Variants in SIK2 observed in about 807,000 individuals in gnomAD.
SIK2 encodes salt inducible kinase 2.
A neutral mutation model predicts 103.2 loss-of-function variants in SIK2; 29 were observed. The ratio of observed to expected loss-of-function variants is 0.28; its 90% CI spans 0.21 to 0.38. SIK2 has a LOEUF of 0.38. Among genes scored for constraint, SIK2 ranks in the 10% least tolerant of loss-of-function variants. SIK2 has a pLI of 1.00. For synonymous variants in SIK2, 412 were observed against 446.1 expected (o/e 0.92, Z 0.96); for missense variants, 879 against 1,171.0 (o/e 0.75, Z 3.64).
At chr11:111,673,787 C>T (rs552813112) in intron 3 of SIK2, among the ~76,000 whole-genome samples, 105 of 152,176 alleles carry the variant, frequency 6.9e-4, no homozygotes, top group African/African-American at 2.4e-3. Context: ...AAAGCATCCT[C>T]AGAGAGGCTG....
At chr11:111,665,479 A>G (rs1321159117) in intron 3 of SIK2, among the ~76,000 whole-genome samples, 1 of 152,098 alleles carries the variant, frequency 6.6e-6, no homozygotes, top group African/African-American at 2.4e-5. Flanking sequence ...ACTGCACTCC[A>G]GCCAGGGTGA....
chr11:111,639,052 C>T (rs1942147465), intron 3 of SIK2, among the ~76,000 whole-genome samples: 1 of 152,170 alleles, frequency 6.6e-6, no homozygotes, highest in Non-Finnish European at 1.5e-5. Flanking sequence ...TAGCCCTATG[C>T]TAGTTGTGGT....
chr11:111,630,299 A>G (rs529578045), intron 3 of SIK2, among the ~76,000 whole-genome samples: 5 of 152,298 alleles, frequency 3.3e-5, no homozygotes, highest in Admixed American at 2.6e-4. Context: ...TGAAAGCTGG[A>G]AAGTTGCCTC....
At chr11:111,694,063 C>T (rs539025245) in intron 4 of SIK2, among the ~76,000 whole-genome samples, 35 of 152,230 alleles carry the variant, frequency 2.3e-4, no homozygotes, top group Non-Finnish European at 2.8e-4. Context: ...GAACAGTGCC[C>T]GGCACACAGT....
At chr11:111,710,669 A>G (rs570932040) in intron 8 of SIK2, among the ~76,000 whole-genome samples, 2 of 152,298 alleles carry the variant, frequency 1.3e-5, no homozygotes, top group African/African-American at 4.8e-5. Context: ...AGTTAAGGAC[A>G]TTGCATGTTA....
rs1941595340 is a variant in SIK2, at chr11:111,602,487, C to T, written c.-77C>T. Reference sequence around the variant, plus strand: ...GCGAAGGAGCAAGCGGAGCGGCCGTCGCCCAAGCCAAGCCGCGCTGCCAAC... The same window carrying T: ...GCGAAGGAGCAAGCGGAGCGGCCGTTGCCCAAGCCAAGCCGCGCTGCCAAC... On this transcript the variant is annotated 5_prime_UTR_variant, in exon 1 of 15. Coordinates refer to ENST00000304987, the MANE Select transcript of SIK2 (RefSeq NM_015191.3). This position sits in a 1 kb window ranked among gnomAD's most constrained non-coding sequence, Gnocchi z 4.5. The T allele has an allele frequency of 1.5e-6, 2 of 1,372,616 alleles. No individual in the cohort carries two copies. The highest frequency in any genetic ancestry group is 1.9e-6 in the Non-Finnish European group (2 of 1,061,024). 85.0% of individuals were successfully genotyped at this position (1,372,616 alleles called of 1,614,324 possible). A position where few individuals can be genotyped will look rare whatever the true frequency, so the allele number is the denominator to read the frequency against.
At chr11:111,637,503 A>G (rs1194837600) in intron 3 of SIK2, among the ~76,000 whole-genome samples, 2 of 135,000 alleles carry the variant, frequency 1.5e-5, no homozygotes, top group African/African-American at 5.8e-5. Context: ...TCGGTCACCC[A>G]GGCTGGAGTG....
At chr11:111,634,553 G>A (rs1277332926) in intron 3 of SIK2, among the ~76,000 whole-genome samples, 1 of 151,744 alleles carries the variant, frequency 6.6e-6, no homozygotes, top group African/African-American at 2.4e-5. Flanking sequence ...AATTCAGATT[G>A]CCATCATTTC....
intron 6 of SIK2, among the ~76,000 whole-genome samples, chr11:111,702,410 C>T (rs552543607): frequency 1.6e-4 from 25 of 152,248 alleles, no homozygotes; most frequent in African/African-American, 6.0e-4. Flanking sequence ...TATTGCAAGA[C>T]CCTGTCTCTA....
At chr11:111,633,758 C>T (rs986551613) in intron 3 of SIK2, among the ~76,000 whole-genome samples, 5 of 152,114 alleles carry the variant, frequency 3.3e-5, no homozygotes, top group African/African-American at 9.7e-5. Context: ...ACCTGGGTAA[C>T]TTGTTCTCCA....
rs937873285 is a variant in SIK2, at chr11:111,667,146, G to C, written c.317-20855G>C. Among the ~76,000 whole-genome samples, 3 of 151,712 alleles carry C rather than the reference G, an allele frequency of 2.0e-5. No homozygotes were observed. In the South Asian group the frequency reaches 6.2e-4, roughly 32 times the overall value. On this transcript the variant is annotated intron_variant, in intron 3 of 14. Coordinates refer to ENST00000304987, the MANE Select transcript of SIK2 (RefSeq NM_015191.3). ...GTATTTTTAGTAGAGATGGGGTTTCGACATGTTGGCCAGGCTGGTCTCAAA... is the reference window on the plus strand; with the variant it reads ...GTATTTTTAGTAGAGATGGGGTTTCCACATGTTGGCCAGGCTGGTCTCAAA...
chr11:111,625,446 T>C (rs1941948696), intron 3 of SIK2, among the ~76,000 whole-genome samples: 1 of 152,034 alleles, frequency 6.6e-6, no homozygotes, highest in Non-Finnish European at 1.5e-5. Context: ...GGTATAATTA[T>C]GGAAGAGGCC....
Position 111,664,528 on chromosome 11 carries a change from A to G in SIK2, c.317-23473A>G, listed in dbSNP as rs928591182. 1.2e-4 allele frequency among the ~76,000 whole-genome samples: 19 copies of G among 152,330 alleles called. 1 individual carries two copies. In the South Asian group the frequency reaches 2.7e-3, roughly 22 times the overall value. On this transcript the variant is annotated intron_variant, in intron 3 of 14. Coordinates refer to ENST00000304987, the MANE Select transcript of SIK2 (RefSeq NM_015191.3). ...CTACTAGGGAGGCTGAGGCAAGAGA[A>G]TAGCTTGAACCTGGGAGGCGAAGGT...
chr11:111,676,449 C>T (rs1317069332), intron 3 of SIK2, among the ~76,000 whole-genome samples: 2 of 152,188 alleles, frequency 1.3e-5, no homozygotes, highest in East Asian at 3.8e-4. Flanking sequence ...CTAATAACAA[C>T]CACTCTGACT....
intron 2 of SIK2, 26 bp from the exon 3 acceptor site, chr11:111,620,313 A>C: frequency 7.1e-7 from 1 of 1,406,352 alleles, no homozygotes; most frequent in Non-Finnish European, 9.9e-7. Flanking sequence ...TTTCTGTCAG[A>C]CTAATATGGA....
rs1240435448 is a variant in SIK2, at chr11:111,727,285, C to G, written c.*3156C>G. 1.4e-5 allele frequency: 8 copies of G among 575,280 alleles called. No individual in the cohort carries two copies. In the Admixed American group the frequency reaches 1.5e-4, roughly 11 times the overall value. 35.6% of individuals were successfully genotyped at this position (575,280 alleles called of 1,614,324 possible). On this transcript the variant is annotated 3_prime_UTR_variant, in exon 15 of 15. Coordinates refer to ENST00000304987, the MANE Select transcript of SIK2 (RefSeq NM_015191.3). ...GTGGGGATGGGGCTCAGGGGCTGTT[C>G]ATGCCCATCTGAGCAAACCCCTTCT...
In SIK2 at chr11:111,728,604, G is replaced by C. The variant is rs922091956; in HGVS notation, c.*4475G>C. 1.3e-5 allele frequency: 2 copies of C among 149,874 alleles called. No homozygotes were observed. The highest frequency in any genetic ancestry group is 3.0e-5 in the Non-Finnish European group (2 of 67,620). 9.3% of individuals were successfully genotyped at this position (149,874 alleles called of 1,614,324 possible). Reference sequence around the variant, plus strand: ...ACACCCGACCTGGAATTTTTTTATAGAACTTATCTTCAGAGCAATGTATGA... The same window carrying C: ...ACACCCGACCTGGAATTTTTTTATACAACTTATCTTCAGAGCAATGTATGA... On this transcript the variant is annotated 3_prime_UTR_variant, in exon 15 of 15. Transcript: ENST00000304987.
At position 111,722,765 on chromosome 11, in the gene SIK2, G is replaced by A; in HGVS notation, c.2147+9G>A. Reference sequence around the variant, plus strand: ...CAGCTGCAGGAACATAGGTGAGAAGGGGACTTTGGCCAAAGAAGTTGCTTC... The same window carrying A: ...CAGCTGCAGGAACATAGGTGAGAAGAGGACTTTGGCCAAAGAAGTTGCTTC... On this transcript the variant is annotated intron_variant, in intron 14 of 14. Transcript: ENST00000304987. This position sits in a 1 kb window ranked among gnomAD's most constrained non-coding sequence, Gnocchi z 4.4. 6.2e-7 allele frequency: 1 copy of A among 1,612,130 alleles called. No homozygotes were observed. Among genetic ancestry groups the A allele is most frequent in the Non-Finnish European group, 8.5e-7 (1 of 1,179,284 alleles).
At position 111,701,445 on chromosome 11, in the gene SIK2, T is replaced by G; in HGVS notation, c.604-7T>G. The stretch of plus-strand genomic sequence containing the variant: ...TAGAAAAGTCTCTGCATTGTTTTCT[T>G]CCCTAGAGTATGGGAGTTGTTCTTT... On this transcript the variant is annotated splice_polypyrimidine_tract_variant and splice_region_variant and intron_variant, in intron 5 of 14. Transcript: ENST00000304987. The surrounding 1 kb of genome is among the most constrained non-coding windows in gnomAD (Gnocchi z 4.2). 6.2e-7 allele frequency: 1 copy of G among 1,612,556 alleles called. No individual in the cohort carries two copies. Among genetic ancestry groups the G allele is most frequent in the Non-Finnish European group, 8.5e-7 (1 of 1,179,026 alleles).
Sources: gnomAD v4.1 joint callset for allele counts (sites outside exome capture counted in the v4.1 genomes callset) on GRCh38, gnomAD v4.1.1 for gene constraint, Gnocchi (gnomAD v3.1) non-coding constraint, MANE v1.5 for transcripts, NCBI Gene and HGNC (gene_info 2026-07-23, HGNC 2026-07-21) for gene names.